The following MACROD2 variants were observed in gnomAD, a reference collection of about 807,000 sequenced individuals.
MACROD2 encodes ADP-ribose glycohydrolase MACROD2.
In MACROD2, 36 loss-of-function variants were observed where a neutral mutation model predicts 70.4. The ratio of observed to expected loss-of-function variants is 0.51; its 90% CI spans 0.39 to 0.68. The LOEUF is 0.68. Among genes scored for constraint, MACROD2 ranks in the 30% least tolerant of loss-of-function variants. MACROD2 has a pLI of 0.00. For synonymous variants in MACROD2, 172 were observed against 178.8 expected, an observed-to-expected ratio of 0.96 and a Z score of 0.30; for missense variants, 496 against 538.4, an observed-to-expected ratio of 0.92 and a Z score of 0.78.
chr20:14,928,119 A>G (rs148828320), intron 5 of MACROD2, among the ~76,000 whole-genome samples: 2 of 152,340 alleles, frequency 1.3e-5, no homozygotes, highest in African/African-American at 4.8e-5. Flanking sequence ...CTGAACAGAC[A>G]CATTCATGCA....
chr20:14,667,512 T>A (rs955305141), intron 4 of MACROD2, among the ~76,000 whole-genome samples: 1 of 152,186 alleles, frequency 6.6e-6, no homozygotes, highest in Non-Finnish European at 1.5e-5. Context: ...TAAGCCCACA[T>A]AATAAACACA....
intron 4 of MACROD2, among the ~76,000 whole-genome samples, chr20:14,508,350 T>C (rs2084992150): frequency 6.6e-6 from 1 of 152,188 alleles, no homozygotes; most frequent in Non-Finnish European, 1.5e-5. Context: ...TTCTTTCGGC[T>C]CTAGGCATTT....
chr20:14,142,042 CACAG>C (rs202229404), intron 3 of MACROD2, among the ~76,000 whole-genome samples: 2,486 of 152,202 alleles, frequency 0.016, 23 homozygotes, highest in Non-Finnish European at 0.024. Flanking sequence ...GAAATTGAGG[CACAG>C]ACAATCTAAA....
chr20:14,071,321 C>T (rs1434584400), intron 2 of MACROD2, among the ~76,000 whole-genome samples: 2 of 122,234 alleles, frequency 1.6e-5, no homozygotes, highest in African/African-American at 6.3e-5. Flanking sequence ...AGTGCAGTGG[C>T]GCGATCTCAG....
chr20:15,726,611 A>G (rs1487642787), intron 8 of MACROD2, among the ~76,000 whole-genome samples: 2 of 151,980 alleles, frequency 1.3e-5, no homozygotes, highest in African/African-American at 4.8e-5. Flanking sequence ...TGATTTCTTA[A>G]TGATAGCCAT....
At chr20:15,150,601 G>A (rs1456339931) in intron 5 of MACROD2, among the ~76,000 whole-genome samples, 1 of 151,996 alleles carries the variant, frequency 6.6e-6, no homozygotes, top group African/African-American at 2.4e-5. Context: ...GGGTGATTAG[G>A]TTTTAATGGG....
At chr20:14,182,185 T>A (rs1419886892) in intron 3 of MACROD2, among the ~76,000 whole-genome samples, 1 of 152,232 alleles carries the variant, frequency 6.6e-6, no homozygotes, top group Non-Finnish European at 1.5e-5. Context: ...ATAGCCATCC[T>A]AGTGAAGTAG....
At chr20:14,561,580 G>A (rs1979436849) in intron 4 of MACROD2, among the ~76,000 whole-genome samples, 1 of 151,508 alleles carries the variant, frequency 6.6e-6, no homozygotes, top group African/African-American at 2.4e-5. Flanking sequence ...TCATTTGGGG[G>A]GTAAACTTTT....
chr20:15,125,763 G>C (rs2076061802), intron 5 of MACROD2, among the ~76,000 whole-genome samples: 1 of 151,752 alleles, frequency 6.6e-6, no homozygotes, highest in African/African-American at 2.4e-5. Context: ...CATTAAAAAG[G>C]TTATGAAACT....
At chr20:14,993,893 C>T (rs1055641710) in intron 5 of MACROD2, among the ~76,000 whole-genome samples, 2 of 152,130 alleles carry the variant, frequency 1.3e-5, no homozygotes, top group Admixed American at 6.5e-5. Context: ...ATCCAGCATA[C>T]ACTTAAGAGA....
chr20:16,032,750 GGAGGAGGGAAGA>G (rs1261366004), intron 15 of MACROD2, among the ~76,000 whole-genome samples: 15 of 91,744 alleles, frequency 1.6e-4, no homozygotes, highest in East Asian at 3.9e-4. Context: ...GGGAAGAAAG[GGAGGAGGGAAGA>G]GAGGAAGGAA....
At chr20:15,652,538 ACTAGCTGGGTGACTTATTT>A (rs2049660965) in intron 8 of MACROD2, among the ~76,000 whole-genome samples, 3 of 152,214 alleles carry the variant, frequency 2.0e-5, no homozygotes, top group Non-Finnish European at 4.4e-5. Flanking sequence ...AGGTTCACTA[ACTAGCTGGGTGACTTATTT>A]CTATGTCAGC....
chr20:15,416,528 C>G (rs2046151729), intron 6 of MACROD2, among the ~76,000 whole-genome samples: 1 of 152,126 alleles, frequency 6.6e-6, no homozygotes, highest in Admixed American at 6.5e-5. Flanking sequence ...AGTTTAGGCC[C>G]CCTGCAGCTG....
At chr20:14,704,972 A>C (rs1303538056) in intron 5 of MACROD2, among the ~76,000 whole-genome samples, 1 of 151,186 alleles carries the variant, frequency 6.6e-6, no homozygotes, top group East Asian at 1.9e-4. Context: ...TTTTCAATAC[A>C]TTTAATAGTA....
Position 16,050,142 on chromosome 20 carries a change from T to G in MACROD2, c.*266T>G. On this transcript the variant is annotated 3_prime_UTR_variant, in exon 18 of 18. Coordinates refer to ENST00000684519, the MANE Select transcript of MACROD2 (RefSeq NM_001351661.2). ...CATTATCCTTGTAATTTCTGTCTTT[T>G]CTCTTACAACTTTGCCCCAGGGTCA... The G allele has an allele frequency of 6.0e-6, 2 of 332,532 alleles. No individual in the cohort carries two copies. Among genetic ancestry groups the G allele is most frequent in the South Asian group, 7.8e-5 (2 of 25,732 alleles). 20.6% of individuals were successfully genotyped at this position (332,532 alleles called of 1,614,324 possible). A position where few individuals can be genotyped will look rare whatever the true frequency, so the allele number is the denominator to read the frequency against.
intron 5 of MACROD2, among the ~76,000 whole-genome samples, chr20:14,688,546 A>G (rs2071028376): frequency 6.6e-6 from 1 of 151,690 alleles, no homozygotes; most frequent in Non-Finnish European, 1.5e-5. Flanking sequence ...TAGAAAGAAT[A>G]TTGGTCAATA....
chr20:15,454,453 A>ACACC (rs1454301030), intron 7 of MACROD2, among the ~76,000 whole-genome samples: 4 of 131,692 alleles, frequency 3.0e-5, no homozygotes, highest in African/African-American at 8.3e-5. Context: ...ACACACACAC[A>ACACC]CCCTTATTAT....
At chr20:15,376,728 G>C (rs551371457) in intron 6 of MACROD2, among the ~76,000 whole-genome samples, 1 of 152,048 alleles carries the variant, frequency 6.6e-6, no homozygotes, top group Admixed American at 6.6e-5. Context: ...CCTGTTTTAC[G>C]GATGAAGAAA....
chr20:15,464,953 T>TA (rs138616854), intron 7 of MACROD2, among the ~76,000 whole-genome samples: 1,776 of 152,288 alleles, frequency 0.012, 33 homozygotes, highest in African/African-American at 0.04. Context: ...CTGAGGCACT[T>TA]ACCTCCCGTG....
Sources: allele counts gnomAD v4.1 joint callset (sites outside exome capture counted in the v4.1 genomes callset), GRCh38; gene constraint gnomAD v4.1.1; transcripts MANE v1.5; gene names NCBI Gene and HGNC (gene_info 2026-07-23, HGNC 2026-07-21).